The following KIRREL3 variants were observed in gnomAD, a reference collection of about 807,000 sequenced individuals.
The protein encoded by KIRREL3 is kin of IRRE-like protein 3.
Under a neutral mutation model 89.7 loss-of-function variants are expected in KIRREL3, and 36 were observed. That is an observed-to-expected ratio of 0.40 (90% confidence interval 0.31 to 0.53). The LOEUF is 0.53. KIRREL3 is among the 20% of genes least tolerant of loss of function. KIRREL3 has a pLI of 0.49. For synonymous variants in KIRREL3, 445 were observed against 441.4 expected, an observed-to-expected ratio of 1.01 and a Z score of -0.10; for missense variants, 864 against 1,056.6, an observed-to-expected ratio of 0.82 and a Z score of 2.53.
chr11:126,945,873 T>C lies in KIRREL3; in HGVS notation c.55+54582A>G, dbSNP rs189761474. Among the ~76,000 whole-genome samples the C allele has an allele frequency of 5.9e-5, 9 of 152,320 alleles. No individual in the cohort carries two copies. In the East Asian group the frequency reaches 1.7e-3, roughly 29 times the overall value. On this transcript the variant is annotated intron_variant, in intron 1 of 16. Transcript: ENST00000525144. The stretch of plus-strand genomic sequence containing the variant: ...TGCAATGATATTGGTGTTGTAGTCA[T>C]CACTTGAGGCCTATTAAGGTCCCTT...
In KIRREL3 at chr11:126,609,331, G is replaced by A. The variant is rs1471853364; in HGVS notation, c.56-46419C>T. Among the ~76,000 whole-genome samples the A allele has an allele frequency of 6.6e-6, 1 of 152,172 alleles. No homozygotes were observed. On this transcript the variant is annotated intron_variant, in intron 1 of 16. Transcript: ENST00000525144. The surrounding 1 kb of genome is among the most constrained non-coding windows in gnomAD (Gnocchi z 5.0). ...GTCTTCCCCCCGGGCTGGTGGCTGG[G>A]TTAATTGGACCTTGTTTATGTAGCA...
intron 1 of KIRREL3, among the ~76,000 whole-genome samples, chr11:126,588,705 G>T (rs1385397321): frequency 2.0e-5 from 3 of 152,146 alleles, no homozygotes; most frequent in African/African-American, 7.2e-5. Context: ...TGTTTCCCTG[G>T]TTCAAAGGTA....
chr11:126,972,708 A>T (rs1024620530), intron 1 of KIRREL3, among the ~76,000 whole-genome samples: 7 of 151,984 alleles, frequency 4.6e-5, no homozygotes, highest in Admixed American at 1.3e-4. Flanking sequence ...GCCATTAAAG[A>T]CCCTGCCTGA....
intron 1 of KIRREL3, among the ~76,000 whole-genome samples, chr11:126,585,056 C>T (rs1941756915): frequency 6.6e-6 from 1 of 151,602 alleles, no homozygotes; most frequent in African/African-American, 2.4e-5. Flanking sequence ...GCAGCTGGGA[C>T]TAACAGGCGC....
chr11:126,767,747 G>A (rs767165233), intron 1 of KIRREL3, among the ~76,000 whole-genome samples: 3 of 152,126 alleles, frequency 2.0e-5, no homozygotes, highest in African/African-American at 4.8e-5. Context: ...TGCTAGAGAC[G>A]GCTGAAAGGG....
intron 1 of KIRREL3, among the ~76,000 whole-genome samples, chr11:126,923,227 TCTTCTTCTTCTTC>T (rs1947503791): frequency 2.5e-5 from 1 of 39,764 alleles, no homozygotes; most frequent in African/African-American, 1.1e-4. Context: ...TTCTTCTTCT[TCTTCTTCTTCTTC>T]TTCTTCTTCT....
chr11:126,500,989 A>C (rs1957841310), intron 4 of KIRREL3, among the ~76,000 whole-genome samples: 1 of 152,142 alleles, frequency 6.6e-6, no homozygotes, highest in Non-Finnish European at 1.5e-5. Context: ...GCGGATCCCA[A>C]ATGTCAGCCT....
intron 6 of KIRREL3, among the ~76,000 whole-genome samples, chr11:126,458,104 C>G (rs2155307): frequency 0.64 from 97,390 of 152,016 alleles, 31,669 homozygotes; most frequent in East Asian, 0.82. Flanking sequence ...TGGCCCAGAG[C>G]TCTGGCTGAG....
intron 4 of KIRREL3, among the ~76,000 whole-genome samples, chr11:126,500,739 CAAA>C (rs10556780): frequency 2.6e-4 from 34 of 133,186 alleles, no homozygotes; most frequent in South Asian, 1.2e-3. Context: ...GACTTTAACT[CAAA>C]AAAAAAAAAA....
chr11:126,969,693 C>T lies in KIRREL3; in HGVS notation c.55+30762G>A, dbSNP rs1246382032. On this transcript the variant is annotated intron_variant, in intron 1 of 16. Coordinates refer to ENST00000525144, the MANE Select transcript of KIRREL3 (RefSeq NM_032531.4). This position sits in a 1 kb window ranked among gnomAD's most constrained non-coding sequence, Gnocchi z 4.9. The stretch of plus-strand genomic sequence containing the variant: ...TGATGGTAGCCATGATGCTTTTCCA[C>T]GCCCTTGATGACACAGGCTTATTTG... Among the ~76,000 whole-genome samples, 2 of 152,134 alleles carry T rather than the reference C, an allele frequency of 1.3e-5. No homozygotes were observed. Among genetic ancestry groups the T allele is most frequent in the African/African-American group, 2.4e-5 (1 of 41,416 alleles).
chr11:126,825,276 G>A (rs1298715792), intron 1 of KIRREL3, among the ~76,000 whole-genome samples: 2 of 152,118 alleles, frequency 1.3e-5, no homozygotes, highest in Non-Finnish European at 2.9e-5. Context: ...TTTAAACTTT[G>A]ACAGCCTGGT....
chr11:126,822,164 G>A (rs565004728), intron 1 of KIRREL3, among the ~76,000 whole-genome samples: 1 of 152,274 alleles, frequency 6.6e-6, no homozygotes, highest in South Asian at 2.1e-4. Flanking sequence ...AGTATAATAT[G>A]GGAATGATAA....
rs1415332520 is a variant in KIRREL3 at position 127,000,270 on chromosome 11, T to G, written c.55+185A>C. ...CATACCCCTTCTTTCCAAAGGAAAA[T>G]AAACAGTACCATTTTGTTGCATTCG... On this transcript the variant is annotated intron_variant, in intron 1 of 16. Transcript: ENST00000525144. The surrounding 1 kb of genome is among the most constrained non-coding windows in gnomAD (Gnocchi z 7.1). 6.6e-6 allele frequency among the ~76,000 whole-genome samples: 1 copy of G among 151,918 alleles called. No homozygotes were observed. The highest frequency in any genetic ancestry group is 1.9e-4 in the East Asian group (1 of 5,184).
At chr11:126,456,575 C>T (rs1321997828) in intron 6 of KIRREL3, 121 bp from the exon 7 acceptor site, 1 of 661,462 alleles carries the variant, frequency 1.5e-6, no homozygotes, top group African/African-American at 1.8e-5. Flanking sequence ...CAGCCCCCGC[C>T]CTGGTGGTCT....
chr11:126,661,727 C>T (rs531232116), intron 1 of KIRREL3, among the ~76,000 whole-genome samples: 280 of 152,324 alleles, frequency 1.8e-3, no homozygotes, highest in African/African-American at 6.5e-3. Context: ...AGCTAGAAAA[C>T]TATGGATACC....
chr11:126,653,737 C>T lies in KIRREL3; in HGVS notation c.56-90825G>A, dbSNP rs1290989755. On this transcript the variant is annotated intron_variant, in intron 1 of 16. Transcript: ENST00000525144. The surrounding 1 kb of genome is among the most constrained non-coding windows in gnomAD (Gnocchi z 5.4). ...ACATGGCAAGGCTGAGGCCAAGCCC[C>T]AAAGTTCACGGACATTCCATAAAAA... is the stretch of plus-strand genomic sequence containing the variant. 6.6e-6 allele frequency among the ~76,000 whole-genome samples: 1 copy of T among 152,200 alleles called. No individual in the cohort carries two copies. Among genetic ancestry groups the T allele is most frequent in the Non-Finnish European group, 1.5e-5 (1 of 68,048 alleles).
In KIRREL3 at chr11:126,953,437, A is replaced by C. The variant is rs1378234463; in HGVS notation, c.55+47018T>G. ...CATGGCATGTGTATACCTTTGTAAC[A>C]AACTGTACATTCTGCACAAGTATCC... is the stretch of plus-strand genomic sequence containing the variant. On this transcript the variant is annotated intron_variant, in intron 1 of 16. Transcript: ENST00000525144. This position sits in a 1 kb window ranked among gnomAD's most constrained non-coding sequence, Gnocchi z 5.2. 6.6e-6 allele frequency among the ~76,000 whole-genome samples: 1 copy of C among 152,208 alleles called. No individual in the cohort carries two copies. The highest frequency in any genetic ancestry group is 1.5e-5 in the Non-Finnish European group (1 of 68,042).
chr11:126,822,387 A>G (rs1943255556), intron 1 of KIRREL3, among the ~76,000 whole-genome samples: 2 of 152,196 alleles, frequency 1.3e-5, no homozygotes, highest in South Asian at 4.1e-4. Context: ...GTGCTCTAGA[A>G]CTTCTAATTT....
chr11:126,765,840 C>A (rs1040742207), intron 1 of KIRREL3, among the ~76,000 whole-genome samples: 1 of 152,178 alleles, frequency 6.6e-6, no homozygotes, highest in African/African-American at 2.4e-5. Context: ...TAACTAGGTT[C>A]AAGCTCACCA....
Sources: allele counts gnomAD v4.1 joint callset (sites outside exome capture counted in the v4.1 genomes callset), GRCh38; gene constraint gnomAD v4.1.1; non-coding constraint Gnocchi (gnomAD v3.1); transcripts MANE v1.5; gene names NCBI Gene and HGNC (gene_info 2026-07-23, HGNC 2026-07-21).